Variants in ZNF213 observed in about 807,000 individuals in gnomAD.
ZNF213 encodes the protein putative transcription factor CR53.
ZNF213 carries 32 observed loss-of-function variants against 46.0 expected under a neutral mutation model. That is an observed-to-expected ratio of 0.70 (90% confidence interval 0.52 to 0.93). The LOEUF is 0.93. Among genes scored for constraint, ZNF213 ranks in the 40% least tolerant of loss-of-function variants. The probability of loss-of-function intolerance (pLI) is 0.00; values close to 1 mark genes in which losing one functional copy is unlikely to be tolerated. For synonymous variants in ZNF213, 297 were observed against 271.0 expected (o/e 1.10, Z -0.94); for missense variants, 639 against 652.8 (o/e 0.98, Z 0.23).
rs559210507 is a variant in ZNF213 at position 3,138,698 on chromosome 16, T to C, written c.524-47T>C. 7.3e-5 allele frequency: 118 copies of C among 1,612,684 alleles called. 1 individual carries two copies. Among genetic ancestry groups the C allele is most frequent in the South Asian group, 2.6e-4 (24 of 90,988 alleles). ...AGGCTGGGGAGGCCATAGGCGTCGGTGTCAAGCCTGGGCTGGCCTTTCTAA... is the reference window on the plus strand; with the variant it reads ...AGGCTGGGGAGGCCATAGGCGTCGGCGTCAAGCCTGGGCTGGCCTTTCTAA... On this transcript the variant is annotated intron_variant, in intron 3 of 5. Coordinates refer to ENST00000396878, the MANE Select transcript of ZNF213 (RefSeq NM_004220.3).
intron 3 of ZNF213, 77 bp from the exon 4 acceptor site, chr16:3,138,668 C>T (rs1040855771): frequency 1.2e-5 from 20 of 1,608,926 alleles, no homozygotes; most frequent in Middle Eastern, 1.8e-4. Flanking sequence ...TGTGTGCATG[C>T]GCACAGGCTG....
Position 3,137,661 on chromosome 16 carries a change from A to C in ZNF213, c.381A>C (p.Pro127=), listed in dbSNP as rs1370778338. Residue 127 remains proline, a synonymous_variant, in exon 2 of 6, where the codon CCA becomes CCC. Coordinates refer to ENST00000396878, the MANE Select transcript of ZNF213 (RefSeq NM_004220.3). ...TGGTGGAGGACCTACAGAAGCAGCC[A>C]GTGAAAGCCTGGCGACAGGTGAGGG... The part of the protein sequence containing the change: ...VALVEDLQKQ[P]VKAWRQDVPS... 8.1e-6 allele frequency: 13 copies of C among 1,613,690 alleles called. No individual in the cohort carries two copies. Among genetic ancestry groups the C allele is most frequent in the Non-Finnish European group, 1.1e-5 (13 of 1,179,992 alleles).
Position 3,137,357 on chromosome 16 carries a change from C to T in ZNF213, c.77C>T (p.Ser26Phe). 6.2e-7 allele frequency: 1 copy of T among 1,613,844 alleles called. No individual in the cohort carries two copies. Among genetic ancestry groups the T allele is most frequent in the Non-Finnish European group, 8.5e-7 (1 of 1,179,934 alleles). Residue 26 changes from serine to phenylalanine, a missense_variant, in exon 2 of 6, where the codon TCC becomes TTC. Coordinates refer to ENST00000396878, the MANE Select transcript of ZNF213 (RefSeq NM_004220.3). ...CTTCTGATTGTGAAAGTGGAAGATT[C>T]CTCCTGGGAACAGGAATCTGCCCAG... ...EGLLIVKVED[S>F]SWEQESAQHE...
rs1957610302 is a variant in ZNF213, at chr16:3,142,025, A to C, written c.*678A>C. 1 of 156,826 alleles carries C rather than the reference A, an allele frequency of 6.4e-6. No homozygotes were observed. Among genetic ancestry groups the C allele is most frequent in the Non-Finnish European group, 1.4e-5 (1 of 71,046 alleles). 9.7% of individuals were successfully genotyped at this position (156,826 alleles called of 1,614,324 possible). On this transcript the variant is annotated 3_prime_UTR_variant, in exon 6 of 6. Coordinates refer to ENST00000396878, the MANE Select transcript of ZNF213 (RefSeq NM_004220.3). ...ACCTGCCCACCAATCTGGTGAGGAT[A>C]ATGGTGGCTCCAGCGACAGGAGGCC... is the stretch of plus-strand genomic sequence containing the variant.
Position 3,138,455 on chromosome 16 carries a change from G to C in ZNF213, c.437G>C (p.Gly146Ala). 6.2e-7 allele frequency: 1 copy of C among 1,613,190 alleles called. No homozygotes were observed. The highest frequency in any genetic ancestry group is 8.5e-7 in the Non-Finnish European group (1 of 1,179,630). ...GAGGAGGCGGAACCCGAGGCTGCAG[G>C]CCGGGGATCCCAGGCCACGGGGCCT... Reference protein sequence around the residue: ...PSEEAEPEAAGRGSQATGPPP... With the variant: ...PSEEAEPEAAARGSQATGPPP... Residue 146 changes from glycine (G) to alanine (A), a missense_variant, in exon 3 of 6, where the codon GGC becomes GCC. Physicochemically the swap from Gly to Ala is moderately conservative, Grantham distance 60 (BLOSUM62 0). Coordinates refer to ENST00000396878, the MANE Select transcript of ZNF213 (RefSeq NM_004220.3).
chr16:3,139,582 A>G, intron 5 of ZNF213: 1 of 171,428 alleles, frequency 5.8e-6, no homozygotes, highest in Non-Finnish European at 1.2e-5. Flanking sequence ...CAGCACCATC[A>G]GGGATCATCT....
In ZNF213 at chr16:3,141,107, GA is replaced by G. The variant is rs773982073; in HGVS notation, c.1141del (p.Ser381AlafsTer166). On this transcript the variant is annotated frameshift_variant, in exon 6 of 6. Transcript: ENST00000396878. LOFTEE classifies it high-confidence loss of function. ...CCTTCTCCTGTTCCGAGTGCGGCAAGAGCTTCAGCCGCAGCGCCTACCTGGC... is the reference window on the plus strand; with the variant it reads ...CCTTCTCCTGTTCCGAGTGCGGCAAGGCTTCAGCCGCAGCGCCTACCTGGC... ...KPFSCSECGK[S>X]FSRSAYLADH... 35 of 1,612,986 alleles carry G rather than the reference GA, an allele frequency of 2.2e-5. No individual in the cohort carries two copies. Among genetic ancestry groups the G allele is most frequent in the Non-Finnish European group, 3.0e-5 (35 of 1,179,576 alleles).
chr16:3,137,312 C>T lies in ZNF213; in HGVS notation c.32C>T (p.Ala11Val), dbSNP rs781397432. The change falls in exon 2 of 6, where the codon GCC becomes GTC. Residue 11 changes from alanine (A) to valine (V), a missense_variant. Transcript: ENST00000396878. Reference sequence around the variant, plus strand: ...GCCCCCTTGGAGGCCCAGGACCAGGCCCCTGGGGAGGGAGAAGGGCTTCTG... The same window carrying T: ...GCCCCCTTGGAGGCCCAGGACCAGGTCCCTGGGGAGGGAGAAGGGCTTCTG... MAAPLEAQDQ[A>V]PGEGEGLLIV... The T allele has an allele frequency of 8.7e-6, 14 of 1,608,524 alleles. No homozygotes were observed. Among genetic ancestry groups the T allele is most frequent in the Non-Finnish European group, 1.2e-5 (14 of 1,176,504 alleles).
chr16:3,138,931 G>A, intron 4 of ZNF213, 44 bp from the exon 5 acceptor site: 3 of 1,614,032 alleles, frequency 1.9e-6, no homozygotes, highest in Non-Finnish European at 2.5e-6. Context: ...GTCCCCGCCA[G>A]TGCTGCTGGG....
At chr16:3,137,779 G>A in intron 2 of ZNF213, 100 bp downstream of exon 2, 1 of 1,440,536 alleles carries the variant, frequency 6.9e-7, no homozygotes. Context: ...TCACAGGGTA[G>A]GGGAGACACA....
Position 3,142,640 on chromosome 16 carries a change from A to C in ZNF213, c.*1293A>C. The C allele has an allele frequency of 6.1e-6, 1 of 164,482 alleles. No homozygotes were observed. The allele number at this position is 164,482 out of a possible 1,614,324, so 10.2% of individuals were successfully genotyped here. On this transcript the variant is annotated 3_prime_UTR_variant, in exon 6 of 6. Transcript: ENST00000396878. ...GGCACCAACGCCCAGCTCCACCGGT[A>C]CTGGCTCCCTGCTCCATCGGCACTA... is the stretch of plus-strand genomic sequence containing the variant.
At position 3,137,224 on chromosome 16, in the gene ZNF213, G is replaced by A; in HGVS notation, c.-57G>A. 1 of 1,522,102 alleles carries A rather than the reference G, an allele frequency of 6.6e-7. No homozygotes were observed. Among genetic ancestry groups the A allele is most frequent in the South Asian group, 1.3e-5 (1 of 76,018 alleles). 94.3% of individuals were successfully genotyped at this position (1,522,102 alleles called of 1,614,324 possible). ...AGGGGATCCCTCTGGGAGACTGAAA[G>A]TACAGGTTCTGGGGCCCAGGTTGAA... On this transcript the variant is annotated 5_prime_UTR_variant, in exon 2 of 6. Coordinates refer to ENST00000396878, the MANE Select transcript of ZNF213 (RefSeq NM_004220.3).
At position 3,140,960 on chromosome 16, in the gene ZNF213, C is replaced by G. The variant is rs1957596176; in HGVS notation, c.993C>G (p.Asp331Glu). ...QCGKRFRWGS[D>E]LARHQRTHTG... Reference sequence around the variant, plus strand: ...GAAAGCGCTTCCGCTGGGGCTCGGACCTGGCGCGGCACCAGCGCACGCACA... The same window carrying G: ...GAAAGCGCTTCCGCTGGGGCTCGGAGCTGGCGCGGCACCAGCGCACGCACA... The change falls in exon 6 of 6, where the codon GAC becomes GAG. Residue 331 changes from aspartate to glutamate, a missense_variant. Coordinates refer to ENST00000396878, the MANE Select transcript of ZNF213 (RefSeq NM_004220.3). 1 of 1,605,670 alleles carries G rather than the reference C, an allele frequency of 6.2e-7. No individual in the cohort carries two copies. The highest frequency in any genetic ancestry group is 8.5e-7 in the Non-Finnish European group (1 of 1,178,264).
intron 1 of ZNF213, among the ~76,000 whole-genome samples, chr16:3,136,360 A>G (rs551782808): frequency 1.3e-5 from 2 of 152,342 alleles, no homozygotes; most frequent in African/African-American, 4.8e-5. Context: ...TGCACAGACG[A>G]TATATCAAGC....
chr16:3,135,929 C>T (rs2735500), intron 1 of ZNF213, among the ~76,000 whole-genome samples: 13 of 149,502 alleles, frequency 8.7e-5, no homozygotes, highest in Non-Finnish European at 1.9e-4. Flanking sequence ...ACCTCAAACT[C>T]CTGGACTCAA....
intron 1 of ZNF213, among the ~76,000 whole-genome samples, chr16:3,136,752 A>G (rs1318037641): frequency 6.6e-6 from 1 of 152,090 alleles, no homozygotes; most frequent in Admixed American, 6.6e-5. Context: ...TAATTGATGT[A>G]TAATGTGCAA....
At position 3,138,455 on chromosome 16, in the gene ZNF213, G is replaced by T; in HGVS notation, c.437G>T (p.Gly146Val). 17 of 1,613,190 alleles carry T rather than the reference G, an allele frequency of 1.1e-5. No individual in the cohort carries two copies. The highest frequency in any genetic ancestry group is 1.4e-5 in the Non-Finnish European group (17 of 1,179,630). The change falls in exon 3 of 6, where the codon GGC becomes GTC. Residue 146 changes from glycine (G) to valine (V), a missense_variant. By Grantham distance (109) the Gly-to-Val change is moderately radical (BLOSUM62 -3). Coordinates refer to ENST00000396878, the MANE Select transcript of ZNF213 (RefSeq NM_004220.3). Reference protein sequence around the residue: ...PSEEAEPEAAGRGSQATGPPP... With the variant: ...PSEEAEPEAAVRGSQATGPPP... ...GAGGAGGCGGAACCCGAGGCTGCAG[G>T]CCGGGGATCCCAGGCCACGGGGCCT...
chr16:3,136,002 T>C (rs1355107415), intron 1 of ZNF213, among the ~76,000 whole-genome samples: 3 of 151,998 alleles, frequency 2.0e-5, no homozygotes, highest in Admixed American at 2.0e-4. Flanking sequence ...TGGCTTTTTT[T>C]GTTTTTTGGT....
Position 3,142,271 on chromosome 16 carries a change from A to G in ZNF213, c.*924A>G, listed in dbSNP as rs938976456. 1.5e-5 allele frequency: 3 copies of G among 205,574 alleles called. No homozygotes were observed. Among genetic ancestry groups the G allele is most frequent in the African/African-American group, 4.9e-5 (2 of 40,888 alleles). The allele number at this position is 205,574 out of a possible 1,614,324, so 12.7% of individuals were successfully genotyped here. A position where few individuals can be genotyped will look rare whatever the true frequency, so the allele number is the denominator to read the frequency against. On this transcript the variant is annotated 3_prime_UTR_variant, in exon 6 of 6. Transcript: ENST00000396878. ...CGCCCCACTCCATCGGCCCCGCTCC[A>G]TCGGCACTAATGCCCCACTCGGCGC...
Sources: gnomAD v4.1 joint callset for allele counts (sites outside exome capture counted in the v4.1 genomes callset) on GRCh38, gnomAD v4.1.1 for gene constraint, MANE v1.5 for transcripts, NCBI Gene and HGNC (gene_info 2026-07-23, HGNC 2026-07-21) for gene names.